MICU3: variants seen among roughly 807,000 people sequenced by gnomAD.
MICU3 encodes mitochondrial calcium uptake 3.
In MICU3, 62 loss-of-function variants were observed where a neutral mutation model predicts 66.5. The ratio of observed to expected loss-of-function variants is 0.93; its 90% CI spans 0.76 to 1.15. MICU3 has a LOEUF of 1.15. Among genes scored for constraint, MICU3 ranks in the 50% most tolerant of loss-of-function variants. The pLI is 0.00. For synonymous variants in MICU3, 308 were observed against 240.7 expected, an observed-to-expected ratio of 1.28 and a Z score of -2.59; for missense variants, 779 against 664.4, an observed-to-expected ratio of 1.17 and a Z score of -1.90.
intron 1 of MICU3, among the ~76,000 whole-genome samples, chr8:17,052,806 A>C (rs1816321804): frequency 6.6e-6 from 1 of 152,242 alleles, no homozygotes. Flanking sequence ...CCTTTAAATA[A>C]GCCTGAAGCC....
chr8:17,112,840 C>G (rs1043082309), intron 11 of MICU3, among the ~76,000 whole-genome samples: 2 of 152,306 alleles, frequency 1.3e-5, no homozygotes, highest in African/African-American at 4.8e-5. Flanking sequence ...TGGTGCAGAA[C>G]CACAGCAGTG....
chr8:17,103,261 G>T (rs1052862667), intron 9 of MICU3, among the ~76,000 whole-genome samples: 1 of 151,834 alleles, frequency 6.6e-6, no homozygotes, highest in African/African-American at 2.4e-5. Flanking sequence ...ATTAGGAAGA[G>T]GGCTATGAGG....
chr8:17,073,376 C>A (rs889218906), intron 3 of MICU3, among the ~76,000 whole-genome samples: 16 of 151,992 alleles, frequency 1.1e-4, no homozygotes, highest in Admixed American at 7.9e-4. Context: ...CTATTGTGAA[C>A]TGGCATGTGA....
At chr8:17,074,311 G>C (rs1002238144) in intron 3 of MICU3, among the ~76,000 whole-genome samples, 1 of 151,930 alleles carries the variant, frequency 6.6e-6, no homozygotes, top group Non-Finnish European at 1.5e-5. Context: ...ATTAAATATT[G>C]ATAGATATAA....
intron 11 of MICU3, among the ~76,000 whole-genome samples, chr8:17,109,596 C>G (rs1166251071): frequency 6.6e-6 from 1 of 152,080 alleles, no homozygotes; most frequent in East Asian, 1.9e-4. Context: ...CTATAAAAAG[C>G]TTATGCTAAC....
chr8:17,036,571 A>G (rs1813030011), intron 1 of MICU3, among the ~76,000 whole-genome samples: 1 of 151,990 alleles, frequency 6.6e-6, no homozygotes, highest in Non-Finnish European at 1.5e-5. Context: ...GATTAGTTAG[A>G]TACAGAGTTT....
intron 4 of MICU3, among the ~76,000 whole-genome samples, chr8:17,078,954 A>T (rs1330312267): frequency 6.6e-6 from 1 of 152,198 alleles, no homozygotes; most frequent in Non-Finnish European, 1.5e-5. Context: ...TTCAAAGCTC[A>T]TAAGGATCAA....
chr8:17,079,947 A>T (rs1405379750), intron 4 of MICU3, among the ~76,000 whole-genome samples: 1 of 152,172 alleles, frequency 6.6e-6, no homozygotes, highest in African/African-American at 2.4e-5. Context: ...TGTATTGTGT[A>T]TAGGAATTAA....
intron 6 of MICU3, 36 bp from the exon 7 acceptor site, chr8:17,086,928 G>A (rs1799534288): frequency 7.0e-7 from 1 of 1,435,794 alleles, no homozygotes; most frequent in South Asian, 1.2e-5. Context: ...AGAAACTCTT[G>A]TTGGATATTT....
chr8:17,108,035 T>A (rs1486473467), intron 11 of MICU3, among the ~76,000 whole-genome samples: 1 of 152,062 alleles, frequency 6.6e-6, no homozygotes, highest in Non-Finnish European at 1.5e-5. Context: ...GATTGGATCA[T>A]TTAAAAAGTA....
At chr8:17,038,396 A>G (rs1186983886) in intron 1 of MICU3, among the ~76,000 whole-genome samples, 2 of 152,194 alleles carry the variant, frequency 1.3e-5, no homozygotes, top group Non-Finnish European at 2.9e-5. Flanking sequence ...GACTGCTGCC[A>G]TGTTAAGACA....
At chr8:17,063,370 C>T (rs546292988) in intron 1 of MICU3, among the ~76,000 whole-genome samples, 4 of 152,006 alleles carry the variant, frequency 2.6e-5, no homozygotes, top group Non-Finnish European at 5.9e-5. Context: ...AAATTTTTTA[C>T]AATTCTGTCT....
At chr8:17,070,258 A>G (rs1314950121) in intron 3 of MICU3, among the ~76,000 whole-genome samples, 2 of 152,136 alleles carry the variant, frequency 1.3e-5, no homozygotes, top group African/African-American at 4.8e-5. Context: ...TATACCATAA[A>G]TAAATGTTGA....
chr8:17,042,627 T>G (rs1403843034), intron 1 of MICU3, among the ~76,000 whole-genome samples: 1 of 152,216 alleles, frequency 6.6e-6, no homozygotes, highest in African/African-American at 2.4e-5. Flanking sequence ...TACCATAGCA[T>G]AGTAGTGTTT....
At chr8:17,066,543 A>AGATTT (rs1554518402) in intron 2 of MICU3, among the ~76,000 whole-genome samples, 1 of 104,914 alleles carries the variant, frequency 9.5e-6, no homozygotes, top group Non-Finnish European at 1.8e-5. Flanking sequence ...ATATATATAG[A>AGATTT]TTTTTTTTTT....
chr8:17,123,581 C>G (rs183053096), downstream of MICU3, among the ~76,000 whole-genome samples: 1 of 151,956 alleles, frequency 6.6e-6, no homozygotes, highest in Non-Finnish European at 1.5e-5. Context: ...ATTCAGAACT[C>G]TCGAATGTTG....
chr8:17,042,796 C>T (rs1360339161), intron 1 of MICU3, among the ~76,000 whole-genome samples: 2 of 151,944 alleles, frequency 1.3e-5, no homozygotes, highest in African/African-American at 4.8e-5. Flanking sequence ...CGAAACAATC[C>T]TTTTTTCCTG....
chr8:17,109,596 C>T (rs1166251071), intron 11 of MICU3, among the ~76,000 whole-genome samples: 1 of 152,198 alleles, frequency 6.6e-6, no homozygotes, highest in African/African-American at 2.4e-5. Context: ...CTATAAAAAG[C>T]TTATGCTAAC....
chr8:17,111,080 T>A (rs1802166756), intron 11 of MICU3, among the ~76,000 whole-genome samples: 1 of 152,148 alleles, frequency 6.6e-6, no homozygotes, highest in Admixed American at 6.5e-5. Context: ...GTAGTTTTGA[T>A]TTGTATTTCC....
Sources: gnomAD v4.1 joint callset for allele counts (sites outside exome capture counted in the v4.1 genomes callset) on GRCh38, gnomAD v4.1.1 for gene constraint, MANE v1.5 for transcripts, NCBI Gene and HGNC (gene_info 2026-07-23, HGNC 2026-07-21) for gene names.